RAF1: variants seen among roughly 807,000 people sequenced by gnomAD.
RAF1 encodes the protein RAF proto-oncogene serine/threonine-protein kinase.
RAF1 carries 27 observed loss-of-function variants against 81.1 expected under a neutral mutation model. The observed-to-expected ratio is 0.33, with a 90% CI of 0.25 to 0.46. The LOEUF (loss-of-function observed/expected upper bound fraction) is 0.46. Ranked by LOEUF, RAF1 falls within the 20% of genes least tolerant of loss-of-function variation. RAF1 has a pLI of 1.00. For missense variants in RAF1, 598 were observed against 826.0 expected (o/e 0.72, Z 3.38); for synonymous variants, 298 against 294.0 (o/e 1.01, Z -0.14).
At chr3:12,611,075 A>C (rs1218445942) in intron 3 of RAF1, among the ~76,000 whole-genome samples, 3 of 152,226 alleles carry the variant, frequency 2.0e-5, no homozygotes, top group Non-Finnish European at 4.4e-5. Flanking sequence ...AAAATAATGC[A>C]CTTTCTGAGT....
intron 1 of RAF1, among the ~76,000 whole-genome samples, chr3:12,651,283 T>G (rs2060515830): frequency 6.6e-6 from 1 of 152,216 alleles, no homozygotes; most frequent in African/African-American, 2.4e-5. Flanking sequence ...GCTTATAATC[T>G]CATACCAATA....
At position 12,642,721 on chromosome 3, in the gene RAF1, A is replaced by G. The variant is rs190620384; in HGVS notation, c.-27+21092T>C. 6.7e-4 allele frequency among the ~76,000 whole-genome samples: 56 copies of G among 84,184 alleles called. 1 individual carries two copies. The highest frequency in any genetic ancestry group is 2.4e-3 in the African/African-American group (56 of 23,436). 55.2% of individuals were successfully genotyped at this position (84,184 alleles called of 152,430 possible). On this transcript the variant is annotated intron_variant, in intron 1 of 17. Transcript: ENST00000442415. Reference sequence around the variant, plus strand: ...ACACACACACACACACACACACACAAAATAGCTGCGTATGGTGGCATGGGC... The same window carrying G: ...ACACACACACACACACACACACACAGAATAGCTGCGTATGGTGGCATGGGC...
intron 11 of RAF1, among the ~76,000 whole-genome samples, chr3:12,594,486 T>C (rs992402156): frequency 3.7e-4 from 57 of 152,324 alleles, no homozygotes; most frequent in African/African-American, 1.3e-3. Context: ...GCTCTAGTTG[T>C]CACTGAACCC....
chr3:12,605,567 C>T (rs558632514), intron 6 of RAF1, among the ~76,000 whole-genome samples: 5 of 152,124 alleles, frequency 3.3e-5, no homozygotes, highest in African/African-American at 7.2e-5. Flanking sequence ...TGTGAGCTAC[C>T]GTGCCTGGCC....
At position 12,608,785 on chromosome 3, in the gene RAF1, T is replaced by C; in HGVS notation, c.562A>G (p.Ser188Gly). 1 of 1,614,188 alleles carries C rather than the reference T, an allele frequency of 6.2e-7. No individual in the cohort carries two copies. Among genetic ancestry groups the C allele is most frequent in the Middle Eastern group, 1.6e-4 (1 of 6,062 alleles). Residue 188 changes from serine (S) to glycine (G), a missense_variant, in exon 5 of 18, where the codon AGT (serine) becomes GGT (glycine). Coordinates refer to ENST00000442415, the MANE Select transcript of RAF1 (RefSeq NM_001354689.3). ...CCTTACAAGAGTTGTCTGATGTTACTCCAGTCCACACACATAGTAGGTACT... is the reference window on the plus strand; with the variant it reads ...CCTTACAAGAGTTGTCTGATGTTACCCCAGTCCACACACATAGTAGGTACT...
intron 14 of RAF1, chr3:12,586,773 C>A (rs2058346326): frequency 6.6e-6 from 1 of 152,156 alleles, no homozygotes; most frequent in Non-Finnish European, 1.5e-5. Context: ...TAAAAACAAC[C>A]CCTCTCCTCT....
chr3:12,613,410 C>T (rs951571716), intron 2 of RAF1, among the ~76,000 whole-genome samples: 2 of 151,326 alleles, frequency 1.3e-5, no homozygotes, highest in Non-Finnish European at 1.5e-5. Flanking sequence ...ACCGCTCCCC[C>T]ACCCCGCCAT....
chr3:12,590,702 C>T (rs1054363112), intron 13 of RAF1, 96 bp downstream of exon 12: 33 of 1,346,534 alleles, frequency 2.5e-5, no homozygotes, highest in Admixed American at 6.8e-5. Flanking sequence ...ATCACAGAAT[C>T]GCTTAATGGA....
chr3:12,643,835 TTG>T (rs1158247278), intron 1 of RAF1, among the ~76,000 whole-genome samples: 2 of 152,174 alleles, frequency 1.3e-5, no homozygotes, highest in East Asian at 3.8e-4. Context: ...CATAGGAATC[TTG>T]TATAATTTAT....
chr3:12,620,994 G>T (rs1321111683), intron 1 of RAF1, among the ~76,000 whole-genome samples: 1 of 152,018 alleles, frequency 6.6e-6, no homozygotes, highest in East Asian at 1.9e-4. Flanking sequence ...GGGGGGTAGG[G>T]TTTCCTCCTT....
chr3:12,662,683 C>A (rs2060916838), intron 1 of RAF1, among the ~76,000 whole-genome samples: 2 of 152,090 alleles, frequency 1.3e-5, no homozygotes, highest in Admixed American at 1.3e-4. Flanking sequence ...TTTGTACCAG[C>A]TGTTCCCTGA....
At chr3:12,589,856 T>C (rs951164723) in intron 13 of RAF1, 5 of 146,434 alleles carry the variant, frequency 3.4e-5, no homozygotes, top group African/African-American at 1.3e-4. Context: ...AATGGCACAA[T>C]CTCCACTCAC....
chr3:12,600,492 G>A (rs1019649738), intron 8 of RAF1, 77 bp from the exon 8 acceptor site: 3 of 1,488,924 alleles, frequency 2.0e-6, no homozygotes, highest in Non-Finnish European at 2.8e-6. Flanking sequence ...AGAGGAGGAG[G>A]ATGTGCAAGA....
At chr3:12,607,631 G>C (rs1208526055) in intron 5 of RAF1, among the ~76,000 whole-genome samples, 1 of 151,818 alleles carries the variant, frequency 6.6e-6, no homozygotes, top group African/African-American at 2.4e-5. Context: ...GTGGGAGACA[G>C]AGCGAGACCC....
At chr3:12,657,383 T>A (rs560185190) in intron 1 of RAF1, among the ~76,000 whole-genome samples, 1 of 152,312 alleles carries the variant, frequency 6.6e-6, no homozygotes, top group Non-Finnish European at 1.5e-5. Flanking sequence ...GAACGTAGAA[T>A]AACTATGCAC....
chr3:12,623,925 G>A (rs1259252029), intron 1 of RAF1, among the ~76,000 whole-genome samples: 3 of 150,718 alleles, frequency 2.0e-5, no homozygotes, highest in African/African-American at 7.3e-5. Context: ...CGCGATCTTG[G>A]CTCACTGCAA....
intron 11 of RAF1, among the ~76,000 whole-genome samples, chr3:12,593,122 G>A (rs1575549547): frequency 6.8e-6 from 1 of 147,232 alleles, no homozygotes; most frequent in Admixed American, 6.8e-5. Flanking sequence ...ATGGAGACTC[G>A]CTCTGTTACC....
chr3:12,618,845 T>C (rs866857169), intron 1 of RAF1, 98 bp from the exon 2 acceptor site: 35 of 915,850 alleles, frequency 3.8e-5, no homozygotes, highest in Middle Eastern at 4.3e-4. Flanking sequence ...ACTATGTGGG[T>C]TTTTAATGAT....
intron 2 of RAF1, among the ~76,000 whole-genome samples, chr3:12,613,420 T>TC (rs1316571977): frequency 1.4e-4 from 14 of 97,556 alleles, no homozygotes; most frequent in South Asian, 3.9e-4. Context: ...CACCCCGCCA[T>TC]CCCCCCCCAC....
Sources: gnomAD v4.1 joint callset for allele counts (sites outside exome capture counted in the v4.1 genomes callset) on GRCh38, gnomAD v4.1.1 for gene constraint, MANE v1.5 for transcripts, NCBI Gene and HGNC (gene_info 2026-07-23, HGNC 2026-07-21) for gene names.